The following GNA14 variants were observed in gnomAD, a reference collection of about 807,000 sequenced individuals.
GNA14 encodes guanine nucleotide-binding protein subunit alpha-14.
GNA14 carries 50 observed loss-of-function variants against 42.0 expected under a neutral mutation model. The observed-to-expected ratio is 1.19, with a 90% CI of 0.95 to 1.51. The LOEUF is 1.51. Among genes scored for constraint, GNA14 ranks in the 40% most tolerant of loss-of-function variants. The pLI, the probability that GNA14 is intolerant of heterozygous loss-of-function variation, is 0.00. For missense variants in GNA14, 473 were observed against 446.2 expected (o/e 1.06, Z -0.54); for synonymous variants, 173 against 163.1 (o/e 1.06, Z -0.46).
chr9:77,628,583 A>G (rs550061038), intron 1 of GNA14, among the ~76,000 whole-genome samples: 3 of 152,258 alleles, frequency 2.0e-5, no homozygotes, highest in Non-Finnish European at 4.4e-5. Flanking sequence ...GACTAACACT[A>G]CACATCTAGA....
chr9:77,432,411 C>T (rs1835571204), intron 3 of GNA14, among the ~76,000 whole-genome samples: 1 of 152,164 alleles, frequency 6.6e-6, no homozygotes, highest in Non-Finnish European at 1.5e-5. Flanking sequence ...TTTTGCTGTA[C>T]TTTGATGTGT....
At chr9:77,431,238 T>G in intron 4 of GNA14, 83 bp downstream of exon 4, 1 of 1,287,126 alleles carries the variant, frequency 7.8e-7, no homozygotes, top group Non-Finnish European at 1.1e-6. Context: ...AATCCCTGCT[T>G]AGGAATAACA....
At chr9:77,585,279 T>C (rs1482824341) in intron 1 of GNA14, among the ~76,000 whole-genome samples, 1 of 152,174 alleles carries the variant, frequency 6.6e-6, no homozygotes, top group Admixed American at 6.6e-5. Context: ...ATAAGAATTA[T>C]TTTGAGCTGA....
chr9:77,480,369 G>A lies in GNA14; in HGVS notation c.310-45847C>T, dbSNP rs948716050. Among the ~76,000 whole-genome samples, 10 of 152,272 alleles carry A rather than the reference G, an allele frequency of 6.6e-5. No individual in the cohort carries two copies. The East Asian group carries it at 1.7e-3, about 26-fold the overall frequency. Reference sequence around the variant, plus strand: ...GGATTATGTTTATTGATTTGCATATGCTGAACCAGCCTTGCATCCCAGGGA... The same window carrying A: ...GGATTATGTTTATTGATTTGCATATACTGAACCAGCCTTGCATCCCAGGGA... On this transcript the variant is annotated intron_variant, in intron 2 of 6. Coordinates refer to ENST00000341700, the MANE Select transcript of GNA14 (RefSeq NM_004297.4).
At chr9:77,525,525 C>G (rs1197467237) in intron 2 of GNA14, among the ~76,000 whole-genome samples, 1 of 151,172 alleles carries the variant, frequency 6.6e-6, no homozygotes, top group Admixed American at 6.6e-5. Context: ...GAATCCTGCC[C>G]AGGGATGGTT....
intron 1 of GNA14, among the ~76,000 whole-genome samples, chr9:77,593,377 G>A (rs569025177): frequency 1.7e-4 from 25 of 148,332 alleles, no homozygotes; most frequent in African/African-American, 6.3e-4. Context: ...GTCCAGGCTG[G>A]AGTGCAGTGG....
chr9:77,424,149 C>T lies in GNA14; in HGVS notation c.898G>A (p.Ala300Thr), dbSNP rs764685312. 1.9e-6 allele frequency: 3 copies of T among 1,609,682 alleles called. No homozygotes were observed. In the South Asian group the frequency reaches 3.3e-5, roughly 18 times the overall value. ...EYTGPKQDVR[A>T]ARDFILKLYQ... ...AGCTTCAGGATAAAGTCTCTGGCAGCTCTGACATCCTGTTTCGGTCCTAGT... is the reference window on the plus strand; with the variant it reads ...AGCTTCAGGATAAAGTCTCTGGCAGTTCTGACATCCTGTTTCGGTCCTAGT... The change falls in exon 7 of 7, where the codon GCT becomes ACT. Residue 300 changes from alanine to threonine, a missense_variant. Coordinates refer to ENST00000341700, the MANE Select transcript of GNA14 (RefSeq NM_004297.4).
chr9:77,598,416 AC>A, intron 1 of GNA14, among the ~76,000 whole-genome samples: 1 of 152,130 alleles, frequency 6.6e-6, no homozygotes. Flanking sequence ...GTGATTTCTG[AC>A]CCCTCATGTA....
intron 1 of GNA14, among the ~76,000 whole-genome samples, chr9:77,556,466 C>T (rs1295920387): frequency 6.6e-6 from 1 of 152,106 alleles, no homozygotes; most frequent in Non-Finnish European, 1.5e-5. Flanking sequence ...TTTCAACTTA[C>T]TGGATCAAAT....
At chr9:77,535,892 G>GT (rs113315168) in intron 1 of GNA14, among the ~76,000 whole-genome samples, 2 of 87,676 alleles carry the variant, frequency 2.3e-5, no homozygotes, top group Admixed American at 1.3e-4. Flanking sequence ...TAGTTGTTTT[G>GT]TTTTTTTTTT....
At chr9:77,646,204 C>A (rs1304988148) in intron 1 of GNA14, among the ~76,000 whole-genome samples, 1 of 152,224 alleles carries the variant, frequency 6.6e-6, no homozygotes, top group Non-Finnish European at 1.5e-5. Context: ...TCCACTCCTA[C>A]CCAGCCCACA....
chr9:77,501,509 A>T (rs1338296386), intron 2 of GNA14, among the ~76,000 whole-genome samples: 2 of 152,128 alleles, frequency 1.3e-5, no homozygotes, highest in East Asian at 3.9e-4. Context: ...TTCTTCACCG[A>T]AATGCCTCTT....
chr9:77,546,396 C>T (rs908768699), intron 1 of GNA14, among the ~76,000 whole-genome samples: 11 of 152,024 alleles, frequency 7.2e-5, no homozygotes, highest in African/African-American at 2.7e-4. Context: ...TTTGTGCCTA[C>T]TCAACTTTTT....
At chr9:77,633,408 A>G (rs1824129702) in intron 1 of GNA14, among the ~76,000 whole-genome samples, 1 of 152,172 alleles carries the variant, frequency 6.6e-6, no homozygotes, top group Admixed American at 6.5e-5. Context: ...TTCTGTGGCC[A>G]GAACTAAGTA....
intron 1 of GNA14, among the ~76,000 whole-genome samples, chr9:77,627,054 A>G (rs777116039): frequency 9.2e-5 from 14 of 152,260 alleles, no homozygotes; most frequent in Non-Finnish European, 1.6e-4. Context: ...AGAGGATATC[A>G]CTACTGATCC....
intron 1 of GNA14, among the ~76,000 whole-genome samples, chr9:77,551,155 T>C (rs1369066422): frequency 6.6e-6 from 1 of 152,218 alleles, no homozygotes; most frequent in East Asian, 1.9e-4. Flanking sequence ...ACAGAATGTA[T>C]GTGCCTGCAA....
intron 2 of GNA14, among the ~76,000 whole-genome samples, chr9:77,442,950 G>C (rs1835759954): frequency 6.6e-6 from 1 of 152,182 alleles, no homozygotes; most frequent in Non-Finnish European, 1.5e-5. Context: ...GAAAAGCATA[G>C]CTAGAGCTAG....
chr9:77,446,689 C>CAG (rs1233213425), intron 2 of GNA14, among the ~76,000 whole-genome samples: 3 of 152,178 alleles, frequency 2.0e-5, no homozygotes, highest in Admixed American at 6.5e-5. Flanking sequence ...GACTGTGGAG[C>CAG]AGAGCCCAAG....
chr9:77,622,265 A>C (rs1394561424), intron 1 of GNA14, among the ~76,000 whole-genome samples: 1 of 152,252 alleles, frequency 6.6e-6, no homozygotes, highest in African/African-American at 2.4e-5. Flanking sequence ...AGAAGAAATG[A>C]GCTCATATCT....
Sources: gnomAD v4.1 joint callset for allele counts (sites outside exome capture counted in the v4.1 genomes callset) on GRCh38, gnomAD v4.1.1 for gene constraint, MANE v1.5 for transcripts, NCBI Gene and HGNC (gene_info 2026-07-23, HGNC 2026-07-21) for gene names.